The following SLC4A8 variants were observed in gnomAD, a reference collection of about 807,000 sequenced individuals.
The protein encoded by SLC4A8 is electroneutral sodium bicarbonate exchanger 1.
A neutral mutation model predicts 125.0 loss-of-function variants in SLC4A8; 40 were observed. The ratio of observed to expected loss-of-function variants is 0.32; its 90% CI spans 0.25 to 0.42. SLC4A8 has a LOEUF of 0.42. Ranked by LOEUF, SLC4A8 falls within the 10% of genes least tolerant of loss-of-function variation. The pLI, the probability that SLC4A8 is intolerant of heterozygous loss-of-function variation, is 1.00. For synonymous variants in SLC4A8, 456 were observed against 476.0 expected (o/e 0.96, Z 0.55); for missense variants, 863 against 1,355.1 (o/e 0.64, Z 5.70).
At chr12:51,441,142 TAAAG>T (rs1436432356) in intron 2 of SLC4A8, 5 of 995,050 alleles carry the variant, frequency 5.0e-6, no homozygotes, top group Non-Finnish European at 6.0e-6. Context: ...ATACAAAACT[TAAAG>T]AGAAAATAAA....
chr12:51,411,045 GTTTTT>G (rs58816269), intron 1 of SLC4A8, among the ~76,000 whole-genome samples: 8 of 122,918 alleles, frequency 6.5e-5, no homozygotes, highest in African/African-American at 9.1e-5. Flanking sequence ...TGGCCAATCT[GTTTTT>G]TTTTTTTTTT....
intron 1 of SLC4A8, chr12:51,403,328 G>A (rs1034081590): frequency 1.1e-5 from 5 of 436,792 alleles, no homozygotes; most frequent in African/African-American, 2.0e-5. Context: ...CCACCAGAAA[G>A]CGTTACTTAC....
In SLC4A8 at chr12:51,494,574, A is replaced by G. The variant is rs1256655628; in HGVS notation, c.2770-371A>G. 1.9e-5 allele frequency: 3 copies of G among 159,348 alleles called. No homozygotes were observed. The East Asian group carries it at 5.4e-4, about 29-fold the overall frequency. 9.9% of individuals were successfully genotyped at this position (159,348 alleles called of 1,614,324 possible). A position where few individuals can be genotyped will look rare whatever the true frequency, so the allele number is the denominator to read the frequency against. ...GTTTTATTTTATCTTTTCACTATAA[A>G]TAATCAATGAATGGCTCCAAACTCC... On this transcript the variant is annotated intron_variant, in intron 20 of 24. Transcript: ENST00000453097.
intron 1 of SLC4A8, among the ~76,000 whole-genome samples, chr12:51,414,740 C>T (rs546805590): frequency 3.9e-5 from 6 of 152,256 alleles, no homozygotes; most frequent in South Asian, 2.1e-4. Context: ...TTGTCTTATT[C>T]TAGTTCTTAG....
chr12:51,495,470 C>CTTTTTTTTTTT (rs3028942), intron 21 of SLC4A8, among the ~76,000 whole-genome samples: 20 of 76,264 alleles, frequency 2.6e-4, no homozygotes, highest in South Asian at 5.9e-4. Flanking sequence ...TTTCTTTCTT[C>CTTTTTTTTTTT]TTTTTTTTTT....
At chr12:51,394,923 G>A (rs1039410328) in intron 1 of SLC4A8, among the ~76,000 whole-genome samples, 6 of 152,158 alleles carry the variant, frequency 3.9e-5, no homozygotes, top group Non-Finnish European at 7.3e-5. Context: ...CAGTTACTTC[G>A]GAGGCTCAGG....
At chr12:51,460,397 T>A (rs80008118) in intron 8 of SLC4A8, among the ~76,000 whole-genome samples, 56 of 89,354 alleles carry the variant, frequency 6.3e-4, no homozygotes, top group Middle Eastern at 5.4e-3. Flanking sequence ...CTGTCTTTTT[T>A]AAAAAAAAAA....
At chr12:51,499,441 G>T (rs1479435606) in intron 22 of SLC4A8, among the ~76,000 whole-genome samples, 3 of 151,860 alleles carry the variant, frequency 2.0e-5, no homozygotes, top group East Asian at 1.9e-4. Flanking sequence ...TACATTTTTT[G>T]ATTAATTTTC....
At chr12:51,397,221 C>A (rs1311874397) in intron 1 of SLC4A8, among the ~76,000 whole-genome samples, 2 of 152,180 alleles carry the variant, frequency 1.3e-5, no homozygotes, top group Admixed American at 6.5e-5. Context: ...AGCCACCACG[C>A]CCGGTCTCAG....
At position 51,511,519 on chromosome 12, in the gene SLC4A8, A is replaced by G. The variant is rs1180853116; in HGVS notation, c.*4081A>G. ...ATTCTCCTGCCTCAGCCTCCCAAGT[A>G]GCTAGGATTACAGGTGCGCACCACC... On this transcript the variant is annotated 3_prime_UTR_variant, in exon 25 of 25. Transcript: ENST00000453097. 1 of 152,184 alleles carries G rather than the reference A, an allele frequency of 6.6e-6. No individual in the cohort carries two copies. Among genetic ancestry groups the G allele is most frequent in the Non-Finnish European group, 1.5e-5 (1 of 68,110 alleles). 9.4% of individuals were successfully genotyped at this position (152,184 alleles called of 1,614,324 possible).
chr12:51,462,116 G>T, intron 9 of SLC4A8, 194 bp from the exon 10 acceptor site: 1 of 580,582 alleles, frequency 1.7e-6, no homozygotes, highest in Non-Finnish European at 3.0e-6. Context: ...TTCTTTTAAT[G>T]CATCTCATTT....
At chr12:51,475,515 T>C (rs1950831546) in intron 16 of SLC4A8, among the ~76,000 whole-genome samples, 3 of 152,258 alleles carry the variant, frequency 2.0e-5, no homozygotes, top group Admixed American at 1.3e-4. Context: ...TCCAGAATTC[T>C]GAGACACTTA....
intron 3 of SLC4A8, 43 bp from the exon 4 acceptor site, chr12:51,452,081 G>A (rs1342776811): frequency 6.2e-7 from 1 of 1,603,164 alleles, no homozygotes; most frequent in East Asian, 2.2e-5. Context: ...TCTGTTCTAA[G>A]TGTGAGGCTA....
At chr12:51,426,865 C>T (rs1948999516) in intron 1 of SLC4A8, among the ~76,000 whole-genome samples, 1 of 150,972 alleles carries the variant, frequency 6.6e-6, no homozygotes, top group Non-Finnish European at 1.5e-5. Flanking sequence ...GAGGGGGTCT[C>T]TCCTAACCGG....
intron 1 of SLC4A8, among the ~76,000 whole-genome samples, chr12:51,400,764 A>G (rs1403634390): frequency 0.017 from 54 of 3,178 alleles, 10 homozygotes; most frequent in South Asian, 0.051. Flanking sequence ...ATATATATAT[A>G]TATATATATA....
Position 51,497,047 on chromosome 12 carries a change from A to G in SLC4A8, c.3004A>G (p.Ser1002Gly). The change falls in exon 22 of 25, where the codon AGC becomes GGC. Residue 1002 changes from serine to glycine, a missense_variant. Transcript: ENST00000453097. ...MDLCFSKREL[S>G]WLDDLMPESK... Reference sequence around the variant, plus strand: ...TCTCTGTTTCTCTAAGCGAGAGCTGAGCTGGCTAGATGATCTCATGCCTGA... The same window carrying G: ...TCTCTGTTTCTCTAAGCGAGAGCTGGGCTGGCTAGATGATCTCATGCCTGA... 1 of 1,614,026 alleles carries G rather than the reference A, an allele frequency of 6.2e-7. No individual in the cohort carries two copies. Among genetic ancestry groups the G allele is most frequent in the South Asian group, 1.1e-5 (1 of 91,058 alleles).
chr12:51,412,054 C>T (rs1948605892), intron 1 of SLC4A8, among the ~76,000 whole-genome samples: 1 of 152,014 alleles, frequency 6.6e-6, no homozygotes, highest in Non-Finnish European at 1.5e-5. Flanking sequence ...AGGGTGAGAT[C>T]CTGTCTCAAA....
chr12:51,428,148 C>T (rs1385172671), intron 1 of SLC4A8, among the ~76,000 whole-genome samples: 1 of 152,182 alleles, frequency 6.6e-6, no homozygotes, highest in South Asian at 2.1e-4. Context: ...CCCAGGCCTT[C>T]TCATGATTCA....
At chr12:51,409,546 A>G (rs2137963133) in intron 1 of SLC4A8, among the ~76,000 whole-genome samples, 1 of 151,390 alleles carries the variant, frequency 6.6e-6, no homozygotes, top group South Asian at 2.1e-4. Flanking sequence ...TTTCTTTTTG[A>G]TATTTTTAAA....
Sources: gnomAD v4.1 joint callset for allele counts (sites outside exome capture counted in the v4.1 genomes callset) on GRCh38, gnomAD v4.1.1 for gene constraint, MANE v1.5 for transcripts, NCBI Gene and HGNC (gene_info 2026-07-23, HGNC 2026-07-21) for gene names.